Variants in GPATCH8 observed in about 807,000 individuals in gnomAD.
GPATCH8 encodes the protein G patch domain-containing protein 8.
GPATCH8 carries 18 observed loss-of-function variants against 118.3 expected under a neutral mutation model. That is an observed-to-expected ratio of 0.15 (90% CI 0.11 to 0.23). The LOEUF (loss-of-function observed/expected upper bound fraction) is 0.23. GPATCH8 is among the 10% of genes least tolerant of loss of function. The pLI is 1.00. For synonymous variants in GPATCH8, 659 were observed against 684.7 expected, an observed-to-expected ratio of 0.96 and a Z score of 0.59; for missense variants, 1,631 against 1,873.8, an observed-to-expected ratio of 0.87 and a Z score of 2.39.
rs572086850 is a variant in GPATCH8 at position 44,405,846 on chromosome 17, T to C, written c.623+75A>G. 3.2e-4 allele frequency: 360 copies of C among 1,114,284 alleles called. No individual in the cohort carries two copies. In the African/African-American group the frequency reaches 4.5e-3, roughly 14 times the overall value. 69.0% of individuals were successfully genotyped at this position (1,114,284 alleles called of 1,614,324 possible). A position where few individuals can be genotyped will look rare whatever the true frequency, so the allele number is the denominator to read the frequency against. On this transcript the variant is annotated intron_variant, in intron 7 of 7. Coordinates refer to ENST00000591680, the MANE Select transcript of GPATCH8 (RefSeq NM_001002909.4). Reference sequence around the variant, plus strand: ...AAATCTTAATTTAAATCTTAAATTATAATCTGAAATCTATAATTTAAAATT... The same window carrying C: ...AAATCTTAATTTAAATCTTAAATTACAATCTGAAATCTATAATTTAAAATT...
At chr17:44,411,232 G>A (rs938709465) in intron 6 of GPATCH8, among the ~76,000 whole-genome samples, 1 of 152,122 alleles carries the variant, frequency 6.6e-6, no homozygotes, top group African/African-American at 2.4e-5. Flanking sequence ...TCTTTCTATA[G>A]TGGTTAGAAC....
intron 3 of GPATCH8, among the ~76,000 whole-genome samples, chr17:44,449,449 C>T (rs2051030823): frequency 6.6e-6 from 1 of 151,870 alleles, no homozygotes; most frequent in African/African-American, 2.4e-5. Flanking sequence ...GCCATCCTCC[C>T]ACCTCAGCCT....
At chr17:44,439,965 T>C (rs2050634614) in intron 3 of GPATCH8, among the ~76,000 whole-genome samples, 2 of 151,990 alleles carry the variant, frequency 1.3e-5, no homozygotes, top group African/African-American at 4.8e-5. Flanking sequence ...GTATTTCTCG[T>C]AAAGACGGGG....
chr17:44,454,212 T>C (rs1262804894), intron 3 of GPATCH8, among the ~76,000 whole-genome samples: 1 of 152,180 alleles, frequency 6.6e-6, no homozygotes, highest in East Asian at 1.9e-4. Context: ...GGCACAATCA[T>C]AGCTGTAACC....
chr17:44,405,447 A>C (rs1169040269), intron 7 of GPATCH8, among the ~76,000 whole-genome samples: 9 of 152,026 alleles, frequency 5.9e-5, no homozygotes, highest in African/African-American at 2.2e-4. Flanking sequence ...ACCTCAGGTG[A>C]TCTGCCCGCC....
chr17:44,448,989 T>TC, intron 3 of GPATCH8, among the ~76,000 whole-genome samples: 1 of 152,206 alleles, frequency 6.6e-6, no homozygotes, highest in Admixed American at 6.5e-5. Flanking sequence ...AAATATCATT[T>TC]CCTGGGCTAG....
chr17:44,451,394 A>C (rs79759095), intron 3 of GPATCH8, among the ~76,000 whole-genome samples: 5,858 of 152,228 alleles, frequency 0.038, 172 homozygotes, highest in Non-Finnish European at 0.059. Context: ...CACCCAACCC[A>C]GATCTGGCAC....
chr17:44,449,060 T>G (rs59861211), intron 3 of GPATCH8, among the ~76,000 whole-genome samples: 91,750 of 151,884 alleles, frequency 0.6, 27,919 homozygotes, highest in Middle Eastern at 0.68. Context: ...TGGATGACCT[T>G]AGGTTAGGAG....
At chr17:44,445,691 A>T (rs2050853804) in intron 3 of GPATCH8, 1 of 152,220 alleles carries the variant, frequency 6.6e-6, no homozygotes, top group Non-Finnish European at 1.5e-5. Flanking sequence ...TTTTTAGTAG[A>T]GACGGGGTTT....
At chr17:44,414,075 A>G (rs1232479352) in intron 6 of GPATCH8, among the ~76,000 whole-genome samples, 5 of 140,378 alleles carry the variant, frequency 3.6e-5, no homozygotes, top group African/African-American at 8.5e-5. Flanking sequence ...ATATATATAT[A>G]TATATGTGTG....
chr17:44,481,228 T>C (rs1230223656), intron 1 of GPATCH8, among the ~76,000 whole-genome samples: 1 of 152,158 alleles, frequency 6.6e-6, no homozygotes, highest in Non-Finnish European at 1.5e-5. Flanking sequence ...GCAACTTTCA[T>C]AGATTACTGA....
At chr17:44,435,759 C>G (rs889496887) in intron 4 of GPATCH8, among the ~76,000 whole-genome samples, 4 of 144,774 alleles carry the variant, frequency 2.8e-5, no homozygotes, top group African/African-American at 1.0e-4. Flanking sequence ...CAGTGGCTCA[C>G]ACCTGTAATC....
Position 44,397,931 on chromosome 17 carries a change from A to G in GPATCH8, c.4146T>C (p.His1382=). ...TGGCGGCAGCAGCTGCGGCAGCATG[A>G]TGTTGTAGGATGGCATGCTGAACAG... ...ITTVQHAILQ[H]HAAAAAAAIG... is the part of the protein sequence containing the mutation. Residue 1382 remains histidine (H), a synonymous_variant, in exon 8 of 8, where the codon CAT becomes CAC. Coordinates refer to ENST00000591680, the MANE Select transcript of GPATCH8 (RefSeq NM_001002909.4). 5.6e-6 allele frequency: 9 copies of G among 1,613,048 alleles called. No individual in the cohort carries two copies. Among genetic ancestry groups the G allele is most frequent in the Non-Finnish European group, 7.6e-6 (9 of 1,179,102 alleles).
At chr17:44,483,262 T>C (rs1286338862) in intron 1 of GPATCH8, among the ~76,000 whole-genome samples, 1 of 133,676 alleles carries the variant, frequency 7.5e-6, no homozygotes, top group East Asian at 2.3e-4. Context: ...CTTTTTTTTG[T>C]TTTTTTGAGA....
intron 3 of GPATCH8, among the ~76,000 whole-genome samples, chr17:44,439,713 A>G (rs991014968): frequency 5.9e-5 from 9 of 152,054 alleles, no homozygotes; most frequent in African/African-American, 2.2e-4. Flanking sequence ...CTGAATACCA[A>G]TTTGTAGTGA....
At chr17:44,431,305 C>A (rs1218797130) in intron 5 of GPATCH8, among the ~76,000 whole-genome samples, 1 of 138,118 alleles carries the variant, frequency 7.2e-6, no homozygotes, top group Non-Finnish European at 1.5e-5. Context: ...AACCAGGAGG[C>A]AAAGGTTGCA....
chr17:44,483,027 G>A (rs1968403383), intron 1 of GPATCH8, among the ~76,000 whole-genome samples: 1 of 147,128 alleles, frequency 6.8e-6, no homozygotes, highest in African/African-American at 2.5e-5. Context: ...ATGGTGGCTG[G>A]TGCCTGTAGT....
chr17:44,484,523 G>A (rs764856943), intron 1 of GPATCH8, among the ~76,000 whole-genome samples: 1 of 152,164 alleles, frequency 6.6e-6, no homozygotes, highest in Non-Finnish European at 1.5e-5. Flanking sequence ...TGTGGTGGGT[G>A]GTTCACACCA....
chr17:44,427,662 T>C (rs1313695412), intron 5 of GPATCH8, among the ~76,000 whole-genome samples: 3 of 152,074 alleles, frequency 2.0e-5, no homozygotes, highest in Non-Finnish European at 4.4e-5. Context: ...AAAAGAACTT[T>C]ACAAAACATG....
Sources: allele counts gnomAD v4.1 joint callset (sites outside exome capture counted in the v4.1 genomes callset), GRCh38; gene constraint gnomAD v4.1.1; transcripts MANE v1.5; gene names NCBI Gene and HGNC (gene_info 2026-07-23, HGNC 2026-07-21).